The following BRD4 variants were observed in gnomAD, a reference collection of about 807,000 sequenced individuals.
BRD4 encodes the protein bromodomain containing 4.
BRD4 carries 16 observed loss-of-function variants against 142.1 expected under a neutral mutation model. The ratio of observed to expected loss-of-function variants is 0.11; its 90% CI spans 0.08 to 0.17. The LOEUF (loss-of-function observed/expected upper bound fraction) is 0.17, where lower values mean the gene tolerates loss of function less well. Among genes scored for constraint, BRD4 ranks in the 10% least tolerant of loss-of-function variants. The pLI is 1.00. For missense variants in BRD4, 1,424 were observed against 1,810.9 expected (o/e 0.79, Z 3.88); for synonymous variants, 833 against 707.5 (o/e 1.18, Z -2.82).
chr19:15,255,226 G>T, intron 10 of BRD4, 71 bp downstream of exon 10: 13 of 1,418,104 alleles, frequency 9.2e-6, no homozygotes, highest in South Asian at 1.3e-5. Context: ...AGAGTGGACT[G>T]AGCAAGGAGG....
Position 15,265,420 on chromosome 19 carries a change from G to A in BRD4, c.783C>T (p.Pro261=), listed in dbSNP as rs372448550. The A allele has an allele frequency of 1.9e-5, 30 of 1,555,994 alleles. No individual in the cohort carries two copies. The highest frequency in any genetic ancestry group is 9.8e-5 in the South Asian group (8 of 81,788). Residue 261 remains proline (P), a synonymous_variant, in exon 5 of 20, where the codon CCC becomes CCT. Coordinates refer to ENST00000679869, the MANE Select transcript of BRD4 (RefSeq NM_001379291.1). ...TCTGTACGGGCTGGGGAGCTGGAGC[G>A]GGTGGGGGTTGTGGCTGGGGGGGCA... ...PPVPPQPQPP[P]APAPQPVQSH... is the part of the protein sequence containing the mutation.
chr19:15,331,394 C>G (rs546627384), intron 1 of BRD4, among the ~76,000 whole-genome samples: 6 of 152,316 alleles, frequency 3.9e-5, no homozygotes, highest in Admixed American at 3.9e-4. Flanking sequence ...TCCCCCACAT[C>G]CCCACCCCAA....
At position 15,236,863 on chromosome 19, in the gene BRD4, C is replaced by T. The variant is rs2047195617; in HGVS notation, c.*1514G>A. The T allele has an allele frequency of 5.2e-6, 1 of 193,028 alleles. No individual in the cohort carries two copies. The highest frequency in any genetic ancestry group is 1.1e-5 in the Non-Finnish European group (1 of 92,528). The allele number at this position is 193,028 out of a possible 1,614,324, so 12.0% of individuals were successfully genotyped here. A position where few individuals can be genotyped will look rare whatever the true frequency, so the allele number is the denominator to read the frequency against. On this transcript the variant is annotated 3_prime_UTR_variant, in exon 20 of 20. Coordinates refer to ENST00000679869, the MANE Select transcript of BRD4 (RefSeq NM_001379291.1). ...TTAAAAAAAGAGAGATGTGTTTATT[C>T]CATGATCAGTACAGACCAAATGCAT...
In BRD4 at chr19:15,241,975, G is replaced by C. The variant is rs186390133; in HGVS notation, c.3169+925C>G. On this transcript the variant is annotated intron_variant, in intron 14 of 19. Transcript: ENST00000679869. ...TTACAGGTGCCTGCCACCATGCCTG[G>C]ATAATTTTTGTATTTTTAGTACAGA... Among the ~76,000 whole-genome samples, 778 of 152,174 alleles carry C rather than the reference G, an allele frequency of 5.1e-3. 2 individuals are homozygous for C. Among genetic ancestry groups the C allele is most frequent in the African/African-American group, 0.017 (726 of 41,526 alleles).
intron 8 of BRD4, among the ~76,000 whole-genome samples, chr19:15,256,633 G>A (rs1198829345): frequency 6.6e-6 from 1 of 152,122 alleles, no homozygotes; most frequent in African/African-American, 2.4e-5. Context: ...CTGGCTATAG[G>A]GAGAGGAGCA....
At chr19:15,283,378 T>A (rs1028497300) in intron 1 of BRD4, among the ~76,000 whole-genome samples, 1 of 152,192 alleles carries the variant, frequency 6.6e-6, no homozygotes, top group Non-Finnish European at 1.5e-5. Flanking sequence ...AATTTTCCCA[T>A]TGCAAACAAA....
chr19:15,316,110 C>T (rs1024747790), intron 1 of BRD4, among the ~76,000 whole-genome samples: 46 of 141,840 alleles, frequency 3.2e-4, no homozygotes, highest in African/African-American at 1.2e-3. Context: ...GAGCCGAGAT[C>T]GCGCCACTGC....
At chr19:15,288,325 T>C (rs2047755576) in intron 1 of BRD4, among the ~76,000 whole-genome samples, 1 of 152,204 alleles carries the variant, frequency 6.6e-6, no homozygotes, top group Non-Finnish European at 1.5e-5. Context: ...AAGGATCGCT[T>C]GAAGCCAGGA....
chr19:15,319,246 G>C (rs570949234), intron 1 of BRD4, among the ~76,000 whole-genome samples: 6 of 152,276 alleles, frequency 3.9e-5, no homozygotes, highest in Admixed American at 2.0e-4. Context: ...AAGGTGGGCA[G>C]ATCACTTGAG....
intron 1 of BRD4, among the ~76,000 whole-genome samples, chr19:15,329,605 G>A (rs182151338): frequency 5.7e-4 from 86 of 152,174 alleles, no homozygotes; most frequent in Admixed American, 1.1e-3. Context: ...TGGGCGTGGC[G>A]GCGCGTGCCT....
At chr19:15,247,671 T>C (rs967220551) in intron 11 of BRD4, 12 of 232,936 alleles carry the variant, frequency 5.2e-5, no homozygotes, top group African/African-American at 2.2e-4. Flanking sequence ...TGCCAGCAGC[T>C]CCCCAATTGT....
intron 1 of BRD4, among the ~76,000 whole-genome samples, chr19:15,302,780 C>A (rs778994946): frequency 2.7e-5 from 4 of 149,678 alleles, no homozygotes; most frequent in African/African-American, 9.9e-5. Flanking sequence ...CCGAGGCGGG[C>A]GCATCACGAG....
chr19:15,288,584 C>T (rs1310604111), intron 1 of BRD4, among the ~76,000 whole-genome samples: 1 of 152,244 alleles, frequency 6.6e-6, no homozygotes, highest in African/African-American at 2.4e-5. Flanking sequence ...GCTTCTCCTG[C>T]TGGTGTGCAG....
Position 15,236,900 on chromosome 19 carries a change from G to C in BRD4, c.*1477C>G, listed in dbSNP as rs2047196099. The C allele has an allele frequency of 5.0e-6, 1 of 201,012 alleles. No individual in the cohort carries two copies. Among genetic ancestry groups the C allele is most frequent in the Admixed American group, 6.1e-5 (1 of 16,490 alleles). 12.5% of individuals were successfully genotyped at this position (201,012 alleles called of 1,614,324 possible). A position where few individuals can be genotyped will look rare whatever the true frequency, so the allele number is the denominator to read the frequency against. The stretch of plus-strand genomic sequence containing the variant: ...CAGACCAAATGCATATTCACCGTAT[G>C]AAAGTCAAACCAGTCAGTGACTCCA... On this transcript the variant is annotated 3_prime_UTR_variant, in exon 20 of 20. Transcript: ENST00000679869.
intron 7 of BRD4, among the ~76,000 whole-genome samples, chr19:15,261,171 C>A (rs1206321755): frequency 6.6e-6 from 1 of 152,096 alleles, no homozygotes; most frequent in Admixed American, 6.5e-5. Flanking sequence ...ACCGGGTGGC[C>A]CTGAACAAAA....
chr19:15,321,770 T>C (rs1428117761), intron 1 of BRD4, among the ~76,000 whole-genome samples: 1 of 152,186 alleles, frequency 6.6e-6, no homozygotes, highest in Non-Finnish European at 1.5e-5. Context: ...AATCGACAAG[T>C]AGCTTACCAC....
chr19:15,320,591 A>G (rs1254097367), intron 1 of BRD4, among the ~76,000 whole-genome samples: 1 of 152,220 alleles, frequency 6.6e-6, no homozygotes, highest in Non-Finnish European at 1.5e-5. Flanking sequence ...TCTCTTATCC[A>G]AGATTTTCCT....
chr19:15,316,405 C>T (rs533047299), intron 1 of BRD4, among the ~76,000 whole-genome samples: 6 of 151,856 alleles, frequency 4.0e-5, no homozygotes, highest in Non-Finnish European at 8.8e-5. Flanking sequence ...GCCTGGCCAA[C>T]GTGGTGAAAC....
At position 15,237,436 on chromosome 19, in the gene BRD4, C is replaced by A; in HGVS notation, c.*941G>T. On this transcript the variant is annotated 3_prime_UTR_variant, in exon 20 of 20. Transcript: ENST00000679869. The stretch of plus-strand genomic sequence containing the variant: ...GTTTGGTGGAGTCACCAACAAACTT[C>A]AAACAAAGATATGCCAACTATGTTC... 1 of 224,524 alleles carries A rather than the reference C, an allele frequency of 4.5e-6. No homozygotes were observed. The highest frequency in any genetic ancestry group is 8.9e-6 in the Non-Finnish European group (1 of 112,864). The allele number at this position is 224,524 out of a possible 1,614,324, so 13.9% of individuals were successfully genotyped here.
Sources: allele counts gnomAD v4.1 joint callset (sites outside exome capture counted in the v4.1 genomes callset), GRCh38; gene constraint gnomAD v4.1.1; transcripts MANE v1.5; gene names NCBI Gene and HGNC (gene_info 2026-07-23, HGNC 2026-07-21).